The following F13A1 variants were observed in gnomAD, a reference collection of about 807,000 sequenced individuals.
The protein encoded by F13A1 is FSF, A subunit.
F13A1 carries 47 observed loss-of-function variants against 80.1 expected under a neutral mutation model. The observed-to-expected ratio is 0.59, with a 90% CI of 0.46 to 0.75. F13A1 has a LOEUF of 0.75. Ranked by LOEUF, F13A1 falls within the 30% of genes least tolerant of loss-of-function variation. The probability of loss-of-function intolerance (pLI) is 0.00; values close to 1 mark genes in which losing one functional copy is unlikely to be tolerated. For synonymous variants in F13A1, 349 were observed against 344.9 expected (o/e 1.01, Z -0.13); for missense variants, 817 against 930.4 (o/e 0.88, Z 1.59).
At position 6,145,191 on chromosome 6, in the gene F13A1, G is replaced by T. The variant is rs138139907; in HGVS notation, c.*428C>A. The T allele has an allele frequency of 3.2e-5, 7 of 217,522 alleles. No homozygotes were observed. In the East Asian group the frequency reaches 8.5e-4, roughly 26 times the overall value. The allele number at this position is 217,522 out of a possible 1,614,324, so 13.5% of individuals were successfully genotyped here. A position where few individuals can be genotyped will look rare whatever the true frequency, so the allele number is the denominator to read the frequency against. Reference sequence around the variant, plus strand: ...AACCTGACCCCGAGAAAGGGGACTGGAATTCTAGAGCCCAAATCATGTGCT... The same window carrying T: ...AACCTGACCCCGAGAAAGGGGACTGTAATTCTAGAGCCCAAATCATGTGCT... On this transcript the variant is annotated 3_prime_UTR_variant, in exon 15 of 15. Coordinates refer to ENST00000264870, the MANE Select transcript of F13A1 (RefSeq NM_000129.4).
intron 6 of F13A1, among the ~76,000 whole-genome samples, chr6:6,241,372 G>A (rs1757481494): frequency 6.6e-6 from 1 of 152,028 alleles, no homozygotes; most frequent in African/African-American, 2.4e-5. Context: ...TATTCAGTGT[G>A]GTCATACTCA....
chr6:6,265,325 G>A (rs1227965967), intron 4 of F13A1, among the ~76,000 whole-genome samples: 1 of 152,186 alleles, frequency 6.6e-6, no homozygotes, highest in African/African-American at 2.4e-5. Flanking sequence ...GCCATGGGAA[G>A]TCTCCTGCCC....
chr6:6,266,516 A>G, intron 4 of F13A1, 42 bp downstream of exon 4: 1 of 1,614,118 alleles, frequency 6.2e-7, no homozygotes, highest in Non-Finnish European at 8.5e-7. Flanking sequence ...CCCGCCAAAT[A>G]GGTGAATTTT....
intron 8 of F13A1, among the ~76,000 whole-genome samples, chr6:6,198,933 T>C (rs1761342266): frequency 6.6e-6 from 1 of 152,154 alleles, no homozygotes; most frequent in South Asian, 2.1e-4. Context: ...GCTCGAAAGA[T>C]AAATGGGAAT....
chr6:6,246,936 T>G (rs1757561476), intron 6 of F13A1, among the ~76,000 whole-genome samples: 1 of 152,190 alleles, frequency 6.6e-6, no homozygotes, highest in African/African-American at 2.4e-5. Context: ...AAAAGAGAAA[T>G]CTTGTGGGCG....
intron 4 of F13A1, among the ~76,000 whole-genome samples, chr6:6,263,810 T>G (rs1216743522): frequency 6.6e-6 from 1 of 152,224 alleles, no homozygotes; most frequent in Non-Finnish European, 1.5e-5. Context: ...TCCTCCCATT[T>G]CTTTACTTCT....
rs558313174 is a variant in F13A1 at position 6,196,214 on chromosome 6, A to G, written c.1217-329T>C. Among the ~76,000 whole-genome samples the G allele has an allele frequency of 7.7e-4, 117 of 152,318 alleles. 2 individuals carry two copies. The South Asian group carries it at 0.016, about 21-fold the overall frequency. On this transcript the variant is annotated intron_variant, in intron 9 of 14. Transcript: ENST00000264870. ...TCAGGTGGTATCTGAAATGTTGGAA[A>G]TGTTGATGTGTGCTCTGTGGTTGTG... is the stretch of plus-strand genomic sequence containing the variant.
At chr6:6,225,058 G>A (rs947795368) in intron 6 of F13A1, among the ~76,000 whole-genome samples, 198 bp from the exon 7 acceptor site, 1 of 152,232 alleles carries the variant, frequency 6.6e-6, no homozygotes, top group Non-Finnish European at 1.5e-5. Context: ...AGGAGACCAA[G>A]TAACCAAGAT....
chr6:6,252,358 G>A (rs920420325), intron 4 of F13A1, among the ~76,000 whole-genome samples: 7 of 152,148 alleles, frequency 4.6e-5, no homozygotes, highest in Non-Finnish European at 1.0e-4. Flanking sequence ...TGTATTAGCT[G>A]CAATAATTAT....
At chr6:6,190,897 C>G (rs1446301787) in intron 10 of F13A1, among the ~76,000 whole-genome samples, 1 of 151,720 alleles carries the variant, frequency 6.6e-6, no homozygotes, top group Admixed American at 6.6e-5. Context: ...GTAGGACCCT[C>G]CGAGCCAGGT....
intron 13 of F13A1, among the ~76,000 whole-genome samples, chr6:6,154,797 G>A (rs1760445336): frequency 6.6e-6 from 1 of 152,004 alleles, no homozygotes; most frequent in Non-Finnish European, 1.5e-5. Flanking sequence ...AACATCTTTG[G>A]ATTTAAAAAA....
intron 6 of F13A1, among the ~76,000 whole-genome samples, chr6:6,234,084 T>A (rs182456340): frequency 3.1e-4 from 47 of 152,228 alleles, no homozygotes; most frequent in Admixed American, 1.7e-3. Context: ...AACATAGTAC[T>A]GGAAGTCCTA....
At chr6:6,182,235 G>C in intron 10 of F13A1, 94 bp from the exon 11 acceptor site, 1 of 1,353,134 alleles carries the variant, frequency 7.4e-7, no homozygotes, top group African/African-American at 1.4e-5. Flanking sequence ...AGAGATCTCT[G>C]GAGCTGACAT....
chr6:6,206,668 T>C, intron 8 of F13A1: 1 of 418,028 alleles, frequency 2.4e-6, no homozygotes, highest in Non-Finnish European at 5.0e-6. Context: ...TGCCCCCTTC[T>C]TGTTTTTAAG....
At position 6,243,226 on chromosome 6, in the gene F13A1, C is replaced by T. The variant is rs1757508442; in HGVS notation, c.798+5086G>A. ...ACTCCTACCATCACCACCACCATCA[C>T]CGTCACCATCTCCACCACCACCATC... On this transcript the variant is annotated intron_variant, in intron 6 of 14. Coordinates refer to ENST00000264870, the MANE Select transcript of F13A1 (RefSeq NM_000129.4). This position sits in a 1 kb window ranked among gnomAD's most constrained non-coding sequence, Gnocchi z 4.2. Among the ~76,000 whole-genome samples the T allele has an allele frequency of 6.6e-6, 1 of 150,532 alleles. No homozygotes were observed. Among genetic ancestry groups the T allele is most frequent in the Non-Finnish European group, 1.5e-5 (1 of 67,506 alleles).
chr6:6,240,693 C>T lies in F13A1; in HGVS notation c.798+7619G>A, dbSNP rs369587239. On this transcript the variant is annotated intron_variant, in intron 6 of 14. Transcript: ENST00000264870. ...CTGTTAGATAAATTCTATTTTCCCA[C>T]TGGCTTCCAATATATCTGTCAATTT... is the stretch of plus-strand genomic sequence containing the variant. Among the ~76,000 whole-genome samples the T allele has an allele frequency of 9.2e-5, 14 of 152,346 alleles. No individual in the cohort carries two copies. The East Asian group carries it at 1.3e-3, about 15-fold the overall frequency.
intron 3 of F13A1, among the ~76,000 whole-genome samples, chr6:6,298,954 A>G (rs1758376716): frequency 6.8e-6 from 1 of 148,054 alleles, no homozygotes; most frequent in Non-Finnish European, 1.5e-5. Context: ...GTGGTGACAA[A>G]ATCTCTTAGC....
In F13A1 at chr6:6,144,932, T is replaced by C. The variant is rs1435428275; in HGVS notation, c.*687A>G. ...TATAAAATGCATCACAAAACTACAT[T>C]ATTCAATAGACTTGAGTGTTGCACC... On this transcript the variant is annotated 3_prime_UTR_variant, in exon 15 of 15. Coordinates refer to ENST00000264870, the MANE Select transcript of F13A1 (RefSeq NM_000129.4). The C allele has an allele frequency of 6.5e-6, 1 of 154,990 alleles. No individual in the cohort carries two copies. The highest frequency in any genetic ancestry group is 1.4e-5 in the Non-Finnish European group (1 of 69,628). 9.6% of individuals were successfully genotyped at this position (154,990 alleles called of 1,614,324 possible).
At chr6:6,240,043 A>G (rs1470626589) in intron 6 of F13A1, among the ~76,000 whole-genome samples, 2 of 152,250 alleles carry the variant, frequency 1.3e-5, no homozygotes, top group East Asian at 3.9e-4. Flanking sequence ...GAGCAGCACC[A>G]ACCGCTCAGC....
Sources: allele counts gnomAD v4.1 joint callset (sites outside exome capture counted in the v4.1 genomes callset), GRCh38; gene constraint gnomAD v4.1.1; non-coding constraint Gnocchi (gnomAD v3.1); transcripts MANE v1.5; gene names NCBI Gene and HGNC (gene_info 2026-07-23, HGNC 2026-07-21).